The following GRM5 variants were observed in gnomAD, a reference collection of about 807,000 sequenced individuals.
The protein encoded by GRM5 is glutamate metabotropic receptor 5, also known as metabotropic glutamate receptor 5.
Under a neutral mutation model 83.1 loss-of-function variants are expected in GRM5, and 19 were observed. That is an observed-to-expected ratio of 0.23 (90% CI 0.16 to 0.34). The LOEUF (loss-of-function observed/expected upper bound fraction) is 0.34, where lower values mean the gene tolerates loss of function less well. Among genes scored for constraint, GRM5 ranks in the 10% least tolerant of loss-of-function variants. GRM5 has a pLI of 1.00. For synonymous variants in GRM5, 675 were observed against 633.6 expected (o/e 1.07, Z -0.98); for missense variants, 1,160 against 1,588.3 (o/e 0.73, Z 4.58).
At chr11:88,686,346 T>A (rs1413192317) in intron 3 of GRM5, among the ~76,000 whole-genome samples, 1 of 152,210 alleles carries the variant, frequency 6.6e-6, no homozygotes, top group Non-Finnish European at 1.5e-5. Flanking sequence ...GTACCCAAAT[T>A]GGAACCAGGA....
intron 2 of GRM5, among the ~76,000 whole-genome samples, chr11:88,897,836 G>T (rs547075127): frequency 6.6e-6 from 1 of 152,012 alleles, no homozygotes; most frequent in African/African-American, 2.4e-5. Flanking sequence ...ATCCTTAAAA[G>T]GTTTTGGTGA....
chr11:88,971,358 T>C (rs1353990712), intron 2 of GRM5, among the ~76,000 whole-genome samples: 1 of 152,066 alleles, frequency 6.6e-6, no homozygotes, highest in Non-Finnish European at 1.5e-5. Flanking sequence ...CTGTGGGAGT[T>C]TGGTGTACAG....
At chr11:88,606,753 G>A (rs1300143434) in intron 4 of GRM5, among the ~76,000 whole-genome samples, 1 of 152,044 alleles carries the variant, frequency 6.6e-6, no homozygotes, top group Non-Finnish European at 1.5e-5. Flanking sequence ...GTTCCTGCCT[G>A]TGGTAGAGGC....
At chr11:88,632,274 T>C (rs1334114144) in intron 4 of GRM5, among the ~76,000 whole-genome samples, 3 of 127,676 alleles carry the variant, frequency 2.3e-5, no homozygotes, top group Non-Finnish European at 4.9e-5. Context: ...TTTGGCAGGA[T>C]CTAACTCCTT....
At chr11:88,732,932 A>G (rs1404628085) in intron 3 of GRM5, among the ~76,000 whole-genome samples, 1 of 151,984 alleles carries the variant, frequency 6.6e-6, no homozygotes, top group East Asian at 1.9e-4. Context: ...GCCAAAGAAG[A>G]CTTTCAAAGC....
intron 2 of GRM5, among the ~76,000 whole-genome samples, chr11:88,910,015 A>G (rs1432113864): frequency 6.6e-6 from 1 of 152,050 alleles, no homozygotes; most frequent in Non-Finnish European, 1.5e-5. Context: ...TATCAGCACT[A>G]TTTCCAAAAT....
intron 3 of GRM5, among the ~76,000 whole-genome samples, chr11:88,837,656 T>C (rs565621746): frequency 1.4e-3 from 216 of 152,332 alleles, no homozygotes; most frequent in Non-Finnish European, 2.4e-3. Flanking sequence ...ATCCTGGACA[T>C]AGGAATACTT....
At chr11:89,031,349 G>C (rs554323162) in intron 2 of GRM5, among the ~76,000 whole-genome samples, 86 of 151,644 alleles carry the variant, frequency 5.7e-4, no homozygotes, top group Non-Finnish European at 1.6e-4. Flanking sequence ...TAATCTTTTT[G>C]ATTATTTTTG....
chr11:88,727,041 A>G (rs1263186853), intron 3 of GRM5, among the ~76,000 whole-genome samples: 1 of 152,240 alleles, frequency 6.6e-6, no homozygotes, highest in Non-Finnish European at 1.5e-5. Flanking sequence ...ACATAACAAT[A>G]TTAGCCTTAA....
chr11:88,780,781 G>T (rs1942959558), intron 3 of GRM5, among the ~76,000 whole-genome samples: 2 of 151,986 alleles, frequency 1.3e-5, no homozygotes, highest in South Asian at 2.1e-4. Context: ...CTCCCAAAGT[G>T]CTGGAATTAC....
At chr11:88,684,618 A>G (rs925852780) in intron 3 of GRM5, among the ~76,000 whole-genome samples, 5 of 152,196 alleles carry the variant, frequency 3.3e-5, no homozygotes, top group African/African-American at 1.2e-4. Context: ...TTAGAGGCAT[A>G]GACTCCAATA....
In GRM5 at chr11:88,578,670, A is replaced by T. The variant is rs147684430; in HGVS notation, c.1691-10678T>A. Among the ~76,000 whole-genome samples, 1,119 of 152,236 alleles carry T rather than the reference A, an allele frequency of 7.4e-3. 11 individuals carry two copies. Among genetic ancestry groups the T allele is most frequent in the African/African-American group, 0.026 (1,081 of 41,558 alleles). On this transcript the variant is annotated intron_variant, in intron 7 of 9. Transcript: ENST00000305447. ...GGCGTTTACAAGTTTAAATATACTG[A>T]CTTTTTGACTCATCTTGTAGGAAGA...
At chr11:88,827,895 ATAT>A (rs1209174709) in intron 3 of GRM5, among the ~76,000 whole-genome samples, 1 of 152,246 alleles carries the variant, frequency 6.6e-6, no homozygotes, top group Non-Finnish European at 1.5e-5. Flanking sequence ...AAGGCAATAC[ATAT>A]TATTGACAAA....
intron 2 of GRM5, among the ~76,000 whole-genome samples, chr11:88,906,476 A>C: frequency 6.6e-6 from 1 of 152,186 alleles, no homozygotes; most frequent in East Asian, 1.9e-4. Flanking sequence ...GGAGAAAAAA[A>C]AAAGTTCAAA....
chr11:88,758,275 A>G (rs1270165342), intron 3 of GRM5, among the ~76,000 whole-genome samples: 2 of 152,178 alleles, frequency 1.3e-5, no homozygotes, highest in Non-Finnish European at 2.9e-5. Flanking sequence ...TTGGGTAGGA[A>G]TGAAGATCAC....
At position 88,962,828 on chromosome 11, in the gene GRM5, C is replaced by T. The variant is rs188518124; in HGVS notation, c.661+84384G>A. Among the ~76,000 whole-genome samples the T allele has an allele frequency of 6.9e-3, 1,052 of 152,314 alleles. 8 individuals are homozygous for T. Among genetic ancestry groups the T allele is most frequent in the Non-Finnish European group, 0.01 (708 of 68,036 alleles). ...CTTACCATCCCAGCACGGTAGTTCACGCCTGAAATCCCAGCACTTTGGGAG... is the reference window on the plus strand; with the variant it reads ...CTTACCATCCCAGCACGGTAGTTCATGCCTGAAATCCCAGCACTTTGGGAG... On this transcript the variant is annotated intron_variant, in intron 2 of 9. Coordinates refer to ENST00000305447, the MANE Select transcript of GRM5 (RefSeq NM_001143831.3).
At chr11:88,540,808 G>A (rs1942248065) in intron 8 of GRM5, among the ~76,000 whole-genome samples, 2 of 151,772 alleles carry the variant, frequency 1.3e-5, no homozygotes. Context: ...TGGCGTGATC[G>A]TGATCTCAGC....
chr11:88,952,810 GA>G (rs1244964227), intron 2 of GRM5, among the ~76,000 whole-genome samples: 1 of 150,762 alleles, frequency 6.6e-6, no homozygotes, highest in South Asian at 2.1e-4. Context: ...TCTTAAATGA[GA>G]AAAAAAGAGA....
At chr11:88,598,515 A>T (rs1234965592) in intron 5 of GRM5, among the ~76,000 whole-genome samples, 1 of 151,952 alleles carries the variant, frequency 6.6e-6, no homozygotes, top group African/African-American at 2.4e-5. Flanking sequence ...TCCTGCAGTC[A>T]GTAACAATTT....
Sources: allele counts gnomAD v4.1 joint callset (sites outside exome capture counted in the v4.1 genomes callset), GRCh38; gene constraint gnomAD v4.1.1; transcripts MANE v1.5; gene names NCBI Gene and HGNC (gene_info 2026-07-23, HGNC 2026-07-21).